Variants in SHANK1 observed in about 807,000 individuals in gnomAD.
SHANK1 encodes the protein SH3 and multiple ankyrin repeat domains protein 1.
A neutral mutation model predicts 165.6 loss-of-function variants in SHANK1; 35 were observed. The ratio of observed to expected loss-of-function variants is 0.21; its 90% confidence interval spans 0.16 to 0.28. The LOEUF is 0.28. Ranked by LOEUF, SHANK1 falls within the 10% of genes least tolerant of loss-of-function variation. The pLI is 1.00. For missense variants in SHANK1, 2,681 were observed against 3,036.4 expected, an observed-to-expected ratio of 0.88 and a Z score of 2.75; for synonymous variants, 1,428 against 1,384.8, an observed-to-expected ratio of 1.03 and a Z score of -0.69.
rs2288416 is a variant in SHANK1 at position 50,687,913 on chromosome 19, G to A, written c.2308+10C>T. 8.1e-5 allele frequency: 131 copies of A among 1,613,738 alleles called. 1 individual carries two copies. In the East Asian group the frequency reaches 1.9e-3, roughly 24 times the overall value. On this transcript the variant is annotated intron_variant, in intron 18 of 23. Transcript: ENST00000293441. ...CAGTGGGGTGGCTGCGAGAGTGGCC[G>A]CAGGAGCACCTTTCTTGTGCACTGC...
At chr19:50,711,243 T>A in intron 8 of SHANK1, 128 bp downstream of exon 8, 2 of 619,728 alleles carry the variant, frequency 3.2e-6, no homozygotes, top group Admixed American at 5.2e-5. Context: ...AATGACTGGA[T>A]GAAAGGGTGG....
chr19:50,713,733 A>G lies in SHANK1; in HGVS notation c.792+65T>C. 6.3e-7 allele frequency: 1 copy of G among 1,591,526 alleles called. No individual in the cohort carries two copies. The highest frequency in any genetic ancestry group is 8.6e-7 in the Non-Finnish European group (1 of 1,166,638). ...ACTGAAACCAAAGAACTGAGGTTTGAGAAAGAACAAAGGGAAAAGGAGAGA... is the reference window on the plus strand; with the variant it reads ...ACTGAAACCAAAGAACTGAGGTTTGGGAAAGAACAAAGGGAAAAGGAGAGA... On this transcript the variant is annotated intron_variant, in intron 6 of 23. Transcript: ENST00000293441. The surrounding 1 kb of genome is among the most constrained non-coding windows in gnomAD (Gnocchi z 6.2).
Position 50,718,418 on chromosome 19 carries a change from G to A in SHANK1, c.-44+988C>T, listed in dbSNP as rs1250852674. 4.6e-5 allele frequency among the ~76,000 whole-genome samples: 7 copies of A among 152,264 alleles called. No homozygotes were observed. The highest frequency in any genetic ancestry group is 2.1e-4 in the South Asian group (1 of 4,828). On this transcript the variant is annotated intron_variant, in intron 1 of 23. Transcript: ENST00000293441. The surrounding 1 kb of genome is among the most constrained non-coding windows in gnomAD (Gnocchi z 5.1). ...CCCCCAGCCTCAACCCCGCTCGGAG[G>A]GGGTGGCCGGTGGGATGAAAGAAAA...
At position 50,688,819 on chromosome 19, in the gene SHANK1, G is replaced by C. The variant is rs564620329; in HGVS notation, c.2172+25C>G. 5.7e-5 allele frequency: 92 copies of C among 1,602,252 alleles called. No homozygotes were observed. The highest frequency in any genetic ancestry group is 7.6e-5 in the Non-Finnish European group (89 of 1,174,012). On this transcript the variant is annotated intron_variant, in intron 17 of 23. Transcript: ENST00000293441. This position sits in a 1 kb window ranked among gnomAD's most constrained non-coding sequence, Gnocchi z 6.7. ...TCTGGGAACTTGTCACAGGGTCCCA[G>C]GGAAGAGAGGGGGCCTGGACTGACC... is the stretch of plus-strand genomic sequence containing the variant.
chr19:50,686,941 C>G lies in SHANK1; in HGVS notation c.2390-129G>C, dbSNP rs1986361524. 4 of 1,360,942 alleles carry G rather than the reference C, an allele frequency of 2.9e-6. 1 individual carries two copies. In the South Asian group the frequency reaches 6.0e-5, roughly 21 times the overall value. The allele number at this position is 1,360,942 out of a possible 1,614,324, so 84.3% of individuals were successfully genotyped here. On this transcript the variant is annotated intron_variant, in intron 19 of 23. Coordinates refer to ENST00000293441, the MANE Select transcript of SHANK1 (RefSeq NM_016148.5). This position sits in a 1 kb window ranked among gnomAD's most constrained non-coding sequence, Gnocchi z 5.7. ...CGGGCGCGAGAGGGGCAGTGAGGGG[C>G]CGGGGTCAGGGAGGGGCGAGTCCGC...
Position 50,668,221 on chromosome 19 carries a change from G to C in SHANK1, c.3739C>G (p.Gln1247Glu), listed in dbSNP as rs1309540668. The change falls in exon 23 of 24, where the codon CAG becomes GAG. Residue 1247 changes from glutamine to glutamate, a missense_variant. By Grantham distance (29) the Gln-to-Glu change is conservative. This residue lies in a region of SHANK1 where 1,713 missense variants were observed against 1,630.2 expected (regional missense o/e 1.05). Coordinates refer to ENST00000293441, the MANE Select transcript of SHANK1 (RefSeq NM_016148.5). ...VGAARREGGW[Q>E]NEARRRSTLF... ...GTGGAGCGCCGGCGCGCCTCATTCT[G>C]CCAGCCCCCCTCCCTCCGGGCCGCC... 1 of 1,494,634 alleles carries C rather than the reference G, an allele frequency of 6.7e-7. No homozygotes were observed. Among genetic ancestry groups the C allele is most frequent in the Admixed American group, 2.3e-5 (1 of 42,974 alleles). 92.6% of individuals were successfully genotyped at this position (1,494,634 alleles called of 1,614,324 possible). A position where few individuals can be genotyped will look rare whatever the true frequency, so the allele number is the denominator to read the frequency against.
At position 50,688,595 on chromosome 19, in the gene SHANK1, G is replaced by A. The variant is rs557002865; in HGVS notation, c.2172+249C>T. Among the ~76,000 whole-genome samples, 2 of 152,160 alleles carry A rather than the reference G, an allele frequency of 1.3e-5. No individual in the cohort carries two copies. The highest frequency in any genetic ancestry group is 2.1e-4 in the South Asian group (1 of 4,834). ...AGCACTGGGATCACAGGCGTGAGCC[G>A]CTGTGCCTGGCCATCCCCCGGTATT... On this transcript the variant is annotated intron_variant, in intron 17 of 23. Transcript: ENST00000293441. The surrounding 1 kb of genome is among the most constrained non-coding windows in gnomAD (Gnocchi z 6.7).
chr19:50,716,151 G>A lies in SHANK1; in HGVS notation c.459+124C>T. 1 of 854,396 alleles carries A rather than the reference G, an allele frequency of 1.2e-6. No individual in the cohort carries two copies. Among genetic ancestry groups the A allele is most frequent in the Non-Finnish European group, 1.9e-6 (1 of 516,262 alleles). The allele number at this position is 854,396 out of a possible 1,614,324, so 52.9% of individuals were successfully genotyped here. A position where few individuals can be genotyped will look rare whatever the true frequency, so the allele number is the denominator to read the frequency against. ...TCTGACTTCCCTGTGATGCTTAGAA[G>A]GTCTGGACTCGCACACTGGGTGCCC... On this transcript the variant is annotated intron_variant, in intron 3 of 23. Transcript: ENST00000293441. The surrounding 1 kb of genome is among the most constrained non-coding windows in gnomAD (Gnocchi z 8.4).
At chr19:50,698,053 C>G (rs1424462466) in intron 12 of SHANK1, 97 bp from the exon 13 acceptor site, 1 of 881,564 alleles carries the variant, frequency 1.1e-6, no homozygotes, top group East Asian at 2.6e-5. Flanking sequence ...CAGTTACCAG[C>G]TCCTGGCCCA....
At chr19:50,712,766 G>C (rs1253787447) in intron 6 of SHANK1, among the ~76,000 whole-genome samples, 1 of 152,238 alleles carries the variant, frequency 6.6e-6, no homozygotes, top group Non-Finnish European at 1.5e-5. Flanking sequence ...CCCCATCATG[G>C]GGATGGTCTG....
chr19:50,700,153 G>T (rs1027537621), intron 12 of SHANK1, among the ~76,000 whole-genome samples: 1 of 127,390 alleles, frequency 7.8e-6, no homozygotes, highest in Non-Finnish European at 1.6e-5. Context: ...GGGTTGGAAG[G>T]CTCGGGCACT....
rs1302280243 is a variant in SHANK1, at chr19:50,689,346, G to A, written c.1965-67C>T. On this transcript the variant is annotated intron_variant, in intron 15 of 23. Coordinates refer to ENST00000293441, the MANE Select transcript of SHANK1 (RefSeq NM_016148.5). Reference sequence around the variant, plus strand: ...TGGAGAAGACATCATGAGACACAGAGGCTGTCCCCCACCCGGCAACCCAGA... The same window carrying A: ...TGGAGAAGACATCATGAGACACAGAAGCTGTCCCCCACCCGGCAACCCAGA... 5 of 1,214,236 alleles carry A rather than the reference G, an allele frequency of 4.1e-6. No individual in the cohort carries two copies. The African/African-American group carries it at 6.0e-5, about 14-fold the overall frequency. The allele number at this position is 1,214,236 out of a possible 1,614,324, so 75.2% of individuals were successfully genotyped here. A position where few individuals can be genotyped will look rare whatever the true frequency, so the allele number is the denominator to read the frequency against.
In SHANK1 at chr19:50,702,590, C is replaced by T. The variant is rs1195922612; in HGVS notation, c.1624G>A (p.Gly542Ser). Residue 542 changes from glycine to serine, a missense_variant, in exon 12 of 24, where the codon GGC becomes AGC. By Grantham distance (56) the Gly-to-Ser change is moderately conservative. Coordinates refer to ENST00000293441, the MANE Select transcript of SHANK1 (RefSeq NM_016148.5). The surrounding 1 kb of genome is among the most constrained non-coding windows in gnomAD (Gnocchi z 5.3). Reference sequence around the variant, plus strand: ...AGCTTCCTCCGCCTCCCGCGGCTGCCCAGGGAGCCCCCGGGGCCCCCTGAG... The same window carrying T: ...AGCTTCCTCCGCCTCCCGCGGCTGCTCAGGGAGCCCCCGGGGCCCCCTGAG... ...GGSGGPGGSL[G>S]SRGRRRKLYS... 1.9e-6 allele frequency: 3 copies of T among 1,605,524 alleles called. No homozygotes were observed. Among genetic ancestry groups the T allele is most frequent in the Admixed American group, 1.7e-5 (1 of 59,172 alleles).
At chr19:50,708,273 C>G (rs2088969113) in intron 8 of SHANK1, among the ~76,000 whole-genome samples, 1 of 152,148 alleles carries the variant, frequency 6.6e-6, no homozygotes, top group Non-Finnish European at 1.5e-5. Context: ...CCCCAACACC[C>G]ACACTGGGGG....
At position 50,714,239 on chromosome 19, in the gene SHANK1, C is replaced by G; in HGVS notation, c.583G>C (p.Val195Leu). The change falls in exon 5 of 24, where the codon GTG (valine) becomes CTG (leucine). Residue 195 changes from valine (V) to leucine (L), a missense_variant. This residue lies in a region of SHANK1 where 189 missense variants were observed against 440.9 expected (regional missense o/e 0.43). Coordinates refer to ENST00000293441, the MANE Select transcript of SHANK1 (RefSeq NM_016148.5). Reference sequence around the variant, plus strand: ...AGCCCCTTGTCCAGCAGCCGCGCCACCTTGTCAGATGTCCCGAGCTGCACA... The same window carrying G: ...AGCCCCTTGTCCAGCAGCCGCGCCAGCTTGTCAGATGTCCCGAGCTGCACA... ...EYVQLGTSDK[V>L]ARLLDKGLDP... 1 of 1,614,164 alleles carries G rather than the reference C, an allele frequency of 6.2e-7. No homozygotes were observed.
Position 50,716,828 on chromosome 19 carries a change from T to A in SHANK1, c.92A>T (p.Asp31Val). 6.4e-7 allele frequency: 1 copy of A among 1,568,288 alleles called. No individual in the cohort carries two copies. Among genetic ancestry groups the A allele is most frequent in the Non-Finnish European group, 8.6e-7 (1 of 1,162,020 alleles). ...CCCCCGGGGGCCTCGACCTGGCCCG[T>A]CTGGGGAGCTGTCGGACTCTGAGCC... ...EGGSESDSSP[D>V]GPGRGPRGTR... Residue 31 changes from aspartate (D) to valine (V), a missense_variant, in exon 2 of 24, where the codon GAC (aspartate) becomes GTC (valine). Asp to Val is a radical substitution (Grantham distance 152). Transcript: ENST00000293441. The surrounding 1 kb of genome is among the most constrained non-coding windows in gnomAD (Gnocchi z 8.4).
At position 50,668,865 on chromosome 19, in the gene SHANK1, G is replaced by C. The variant is rs1985678498; in HGVS notation, c.3095C>G (p.Pro1032Arg). The stretch of plus-strand genomic sequence containing the variant: ...AGCCAGGCGGGGTGGAGGGTCGTCG[G>C]GAGAGCCGCCTGTCTCCATCTCGGG... ...HPPEMETGGSPDDPPPRLALG... is the reference protein window; with the variant it reads ...HPPEMETGGSRDDPPPRLALG... Residue 1032 changes from proline (P) to arginine (R), a missense_variant, in exon 23 of 24, where the codon CCC (proline) becomes CGC (arginine). Physicochemically the swap from Pro to Arg is moderately radical, Grantham distance 103. Around this residue, in one of 10 missense-constraint regions of SHANK1, gnomAD observed 1,713 missense variants for 1,630.2 expected, o/e 1.05. Transcript: ENST00000293441. 3.9e-6 allele frequency: 5 copies of C among 1,294,162 alleles called. No individual in the cohort carries two copies. The highest frequency in any genetic ancestry group is 4.9e-6 in the Non-Finnish European group (5 of 1,026,804). 80.2% of individuals were successfully genotyped at this position (1,294,162 alleles called of 1,614,324 possible). A position where few individuals can be genotyped will look rare whatever the true frequency, so the allele number is the denominator to read the frequency against.
intron 12 of SHANK1, among the ~76,000 whole-genome samples, chr19:50,699,157 AG>A (rs1986828470): frequency 6.6e-6 from 1 of 152,218 alleles, no homozygotes; most frequent in South Asian, 2.1e-4. Flanking sequence ...GGAAGAGAGC[AG>A]GAGATGGGTT....
intron 21 of SHANK1, among the ~76,000 whole-genome samples, chr19:50,675,681 G>A (rs1403855738): frequency 6.6e-6 from 1 of 152,160 alleles, no homozygotes; most frequent in Non-Finnish European, 1.5e-5. Flanking sequence ...GAGGTAAGAG[G>A]GAGGAGAGAG....
Sources: gnomAD v4.1 joint callset for allele counts (sites outside exome capture counted in the v4.1 genomes callset) on GRCh38, gnomAD v4.1.1 for gene constraint, gnomAD v4.1.1 regional missense constraint, Gnocchi (gnomAD v3.1) non-coding constraint, MANE v1.5 for transcripts, NCBI Gene and HGNC (gene_info 2026-07-23, HGNC 2026-07-21) for gene names.